The following PRKG1 variants were observed in gnomAD, a reference collection of about 807,000 sequenced individuals.
The protein encoded by PRKG1 is cGMP-dependent protein kinase 1.
A neutral mutation model predicts 88.1 loss-of-function variants in PRKG1; 35 were observed. The ratio of observed to expected loss-of-function variants is 0.40; its 90% CI spans 0.30 to 0.53. The LOEUF (loss-of-function observed/expected upper bound fraction) is 0.53, where lower values mean the gene tolerates loss of function less well. Ranked by LOEUF, PRKG1 falls within the 20% of genes least tolerant of loss-of-function variation. PRKG1 has a pLI of 0.59. For synonymous variants in PRKG1, 303 were observed against 292.5 expected (o/e 1.04, Z -0.37); for missense variants, 540 against 839.8 (o/e 0.64, Z 4.41).
At chr10:51,474,373 T>G (rs540711632) in intron 3 of PRKG1, among the ~76,000 whole-genome samples, 1 of 152,108 alleles carries the variant, frequency 6.6e-6, no homozygotes, top group South Asian at 2.1e-4. Context: ...TCACAAAAAC[T>G]TATACAGCAT....
intron 2 of PRKG1, among the ~76,000 whole-genome samples, chr10:51,355,700 T>C (rs1842352591): frequency 1.3e-5 from 2 of 151,970 alleles, no homozygotes; most frequent in Non-Finnish European, 2.9e-5. Flanking sequence ...TAGTGGAAGT[T>C]GGAAAAATAA....
chr10:51,784,271 T>C (rs1352044845), intron 3 of PRKG1, among the ~76,000 whole-genome samples: 3 of 152,004 alleles, frequency 2.0e-5, no homozygotes, highest in African/African-American at 7.2e-5. Context: ...CTTTATGCCA[T>C]TGTGTCTAGC....
rs151005445 is a variant in PRKG1, at chr10:51,746,519, C to T, written c.593-58066C>T. On this transcript the variant is annotated intron_variant, in intron 3 of 17. Transcript: ENST00000373980. ...GGCAGATTGCTTTAGGTCAGGAGTT[C>T]GAGACCAGCCTGGCCAGTGTGGTGA... 2.9e-3 allele frequency among the ~76,000 whole-genome samples: 433 copies of T among 151,826 alleles called. 3 individuals carry two copies. Among genetic ancestry groups the T allele is most frequent in the Non-Finnish European group, 4.1e-3 (280 of 67,900 alleles).
At position 51,891,643 on chromosome 10, in the gene PRKG1, G is replaced by A. The variant is rs79280050; in HGVS notation, c.699-15864G>A. 1.3e-4 allele frequency among the ~76,000 whole-genome samples: 20 copies of A among 152,268 alleles called. 1 individual carries two copies. In the East Asian group the frequency reaches 2.7e-3, roughly 21 times the overall value. On this transcript the variant is annotated intron_variant, in intron 4 of 17. Transcript: ENST00000373980. The stretch of plus-strand genomic sequence containing the variant: ...TAAGGTAATAGGAGCCTAGGACTGC[G>A]GTTGGAAAACTTTCCCGTAAAAGAC...
chr10:51,816,537 A>ATGTGTGTGTGTGTGTGTG (rs35430934), intron 4 of PRKG1, among the ~76,000 whole-genome samples: 1 of 145,938 alleles, frequency 6.9e-6, no homozygotes, highest in African/African-American at 2.5e-5. Flanking sequence ...TAATTTTGGC[A>ATGTGTGTGTGTGTGTGTG]TGTGTGTGTG....
At chr10:51,229,401 A>G (rs1838776365) in intron 2 of PRKG1, among the ~76,000 whole-genome samples, 1 of 152,206 alleles carries the variant, frequency 6.6e-6, no homozygotes, top group Non-Finnish European at 1.5e-5. Context: ...TACCAAACTG[A>G]CTACTTCTTC....
At position 51,055,693 on chromosome 10, in the gene PRKG1, G is replaced by A. The variant is rs148261651; in HGVS notation, c.266+64049G>A. ...GCAGAGCTTGCAGTGAGGGGAGATC[G>A]TGCCACTGCAGTCCAGCCTGGGTGA... On this transcript the variant is annotated intron_variant, in intron 1 of 17. Transcript: ENST00000401604. Among the ~76,000 whole-genome samples, 1,111 of 151,978 alleles carry A rather than the reference G, an allele frequency of 7.3e-3. 16 individuals are homozygous for A. The highest frequency in any genetic ancestry group is 0.026 in the African/African-American group (1,073 of 41,454).
chr10:51,721,850 C>T (rs1842020852), intron 3 of PRKG1, among the ~76,000 whole-genome samples: 1 of 152,124 alleles, frequency 6.6e-6, no homozygotes, highest in Non-Finnish European at 1.5e-5. Context: ...TGCATTTTCT[C>T]CAGGGACTGC....
At chr10:51,587,616 A>G (rs184139365) in intron 3 of PRKG1, among the ~76,000 whole-genome samples, 1 of 152,328 alleles carries the variant, frequency 6.6e-6, no homozygotes, top group East Asian at 1.9e-4. Flanking sequence ...GTATAGCTTC[A>G]CATGGTAGGA....
intron 4 of PRKG1, among the ~76,000 whole-genome samples, chr10:51,885,635 C>G (rs1196095709): frequency 6.6e-6 from 1 of 152,182 alleles, no homozygotes; most frequent in Non-Finnish European, 1.5e-5. Context: ...ACTTGCAGTT[C>G]CCACCTTTAA....
At chr10:51,742,515 T>C (rs1235706897) in intron 3 of PRKG1, among the ~76,000 whole-genome samples, 1 of 152,102 alleles carries the variant, frequency 6.6e-6, no homozygotes, top group African/African-American at 2.4e-5. Flanking sequence ...AGTGACTAGT[T>C]GGATGCAGGT....
chr10:51,290,358 A>G (rs530172741), intron 2 of PRKG1, among the ~76,000 whole-genome samples: 69 of 152,332 alleles, frequency 4.5e-4, no homozygotes, highest in African/African-American at 1.2e-3. Context: ...TGCTCAGATA[A>G]CCAAGGACAT....
In PRKG1 at chr10:51,074,579, G is replaced by C. The variant is rs200657516; in HGVS notation, c.-12G>C. Reference sequence around the variant, plus strand: ...CAGCGGCAGGAAGGAGCCCCCGGCAGCCCGGAGGAGCATGGGCACCTTGCG... The same window carrying C: ...CAGCGGCAGGAAGGAGCCCCCGGCACCCCGGAGGAGCATGGGCACCTTGCG... On this transcript the variant is annotated 5_prime_UTR_variant, in exon 1 of 18. Transcript: ENST00000373980. The C allele has an allele frequency of 5.7e-5, 91 of 1,602,648 alleles. No individual in the cohort carries two copies. In the African/African-American group the frequency reaches 9.9e-4, roughly 17 times the overall value.
At chr10:52,264,024 G>A (rs1044923418) in intron 10 of PRKG1, among the ~76,000 whole-genome samples, 7 of 152,052 alleles carry the variant, frequency 4.6e-5, no homozygotes, top group Non-Finnish European at 1.0e-4. Context: ...GTAACTTCAT[G>A]TCTTTTTTCC....
chr10:51,836,265 C>T (rs72799465), intron 4 of PRKG1, among the ~76,000 whole-genome samples: 80 of 152,226 alleles, frequency 5.3e-4, no homozygotes, highest in Non-Finnish European at 8.2e-4. Flanking sequence ...GTGCCAAGAA[C>T]ACACAATAGG....
At chr10:51,979,451 A>G (rs978022699) in intron 5 of PRKG1, among the ~76,000 whole-genome samples, 7 of 89,510 alleles carry the variant, frequency 7.8e-5, no homozygotes, top group Non-Finnish European at 1.2e-4. Context: ...TGTCTCTGCC[A>G]GGTTTTGGTA....
chr10:51,755,464 A>G (rs1837835512), intron 3 of PRKG1, among the ~76,000 whole-genome samples: 1 of 152,230 alleles, frequency 6.6e-6, no homozygotes, highest in Non-Finnish European at 1.5e-5. Context: ...CAGAAGCTAG[A>G]GATCTGCTGC....
intron 3 of PRKG1, among the ~76,000 whole-genome samples, chr10:51,487,353 T>C (rs1044240804): frequency 6.6e-6 from 1 of 152,202 alleles, no homozygotes; most frequent in African/African-American, 2.4e-5. Context: ...GAGTGGGTAC[T>C]CTTGGTATTT....
At chr10:52,242,741 C>T (rs925006901) in intron 9 of PRKG1, among the ~76,000 whole-genome samples, 2 of 151,884 alleles carry the variant, frequency 1.3e-5, no homozygotes, top group Non-Finnish European at 2.9e-5. Context: ...TACAACAACA[C>T]AAAAATTAGC....
Sources: gnomAD v4.1 joint callset for allele counts (sites outside exome capture counted in the v4.1 genomes callset) on GRCh38, gnomAD v4.1.1 for gene constraint, MANE v1.5 for transcripts, NCBI Gene and HGNC (gene_info 2026-07-23, HGNC 2026-07-21) for gene names.